OPCML: variants seen among roughly 807,000 people sequenced by gnomAD.
The protein encoded by OPCML is opioid binding protein/cell adhesion molecule like, also known as opioid-binding protein/cell adhesion molecule.
In OPCML, 13 loss-of-function variants were observed where a neutral mutation model predicts 37.8. The observed-to-expected ratio is 0.34, with a 90% confidence interval of 0.22 to 0.55. OPCML has a LOEUF of 0.55. Ranked by LOEUF, OPCML falls within the 20% of genes least tolerant of loss-of-function variation. The probability of loss-of-function intolerance (pLI) is 0.91; values close to 1 mark genes in which losing one functional copy is unlikely to be tolerated. For missense variants in OPCML, 341 were observed against 435.6 expected (o/e 0.78, Z 1.93); for synonymous variants, 176 against 168.8 (o/e 1.04, Z -0.33).
At chr11:132,666,839 A>G (rs902797448) in intron 2 of OPCML, among the ~76,000 whole-genome samples, 1 of 152,212 alleles carries the variant, frequency 6.6e-6, no homozygotes, top group Non-Finnish European at 1.5e-5. Context: ...AGACATCTCC[A>G]TGGTAAAATG....
intron 1 of OPCML, among the ~76,000 whole-genome samples, chr11:132,986,320 T>C (rs1250946557): frequency 6.6e-6 from 1 of 152,110 alleles, no homozygotes; most frequent in Non-Finnish European, 1.5e-5. Context: ...TAGTTTTTAG[T>C]AAAAAGTAAA....
intron 1 of OPCML, among the ~76,000 whole-genome samples, chr11:133,255,976 T>C (rs1039336831): frequency 1.3e-5 from 2 of 152,256 alleles, no homozygotes; most frequent in African/African-American, 4.8e-5. Context: ...CCATGTTGTA[T>C]GTATAACCTA....
chr11:133,073,330 T>C (rs1215138148), intron 1 of OPCML, among the ~76,000 whole-genome samples: 1 of 152,168 alleles, frequency 6.6e-6, no homozygotes, highest in African/African-American at 2.4e-5. Context: ...TTGGCTGGAA[T>C]GAAAGGAGGA....
chr11:132,858,457 C>T (rs1312958758), intron 2 of OPCML, among the ~76,000 whole-genome samples: 1 of 152,206 alleles, frequency 6.6e-6, no homozygotes, highest in Non-Finnish European at 1.5e-5. Context: ...GACAATGATA[C>T]TTACATTGCT....
intron 1 of OPCML, among the ~76,000 whole-genome samples, chr11:133,477,504 ATCCCAT>A (rs1252014781): frequency 1.3e-5 from 2 of 152,196 alleles, no homozygotes; most frequent in African/African-American, 2.4e-5. Flanking sequence ...AATGCTTTGA[ATCCCAT>A]TCATTTTCAA....
chr11:132,680,956 T>G (rs1201506402), intron 2 of OPCML, among the ~76,000 whole-genome samples: 2 of 152,136 alleles, frequency 1.3e-5, no homozygotes, highest in African/African-American at 4.8e-5. Flanking sequence ...GTGGTGTTGG[T>G]GATGGTAAAG....
intron 1 of OPCML, among the ~76,000 whole-genome samples, chr11:133,404,113 A>C (rs1299703449): frequency 6.6e-6 from 1 of 151,452 alleles, no homozygotes; most frequent in Non-Finnish European, 1.5e-5. Context: ...GCTTGCAGAC[A>C]CATGGCTCCA....
intron 3 of OPCML, among the ~76,000 whole-genome samples, chr11:132,642,909 G>A (rs1280412661): frequency 9.9e-5 from 15 of 152,120 alleles, no homozygotes; most frequent in Non-Finnish European, 1.8e-4. Flanking sequence ...GCCAACATTA[G>A]TATTGCCTTT....
chr11:133,407,404 T>C (rs996102459), intron 1 of OPCML, among the ~76,000 whole-genome samples: 1 of 152,188 alleles, frequency 6.6e-6, no homozygotes, highest in Non-Finnish European at 1.5e-5. Context: ...ATAAATGGCA[T>C]TCCATTAGAT....
intron 1 of OPCML, chr11:133,118,324 C>T (rs1949367246): frequency 3.0e-6 from 3 of 985,212 alleles, no homozygotes; most frequent in Non-Finnish European, 3.6e-6. Context: ...TTTGAGAGTT[C>T]AGGGCCCAGG....
At chr11:133,007,538 A>G (rs10791268) in intron 1 of OPCML, 162,234 of 985,238 alleles carry the variant, frequency 0.16, 13,734 homozygotes, top group Admixed American at 0.33. Context: ...AGGGTGGGGA[A>G]CTGAGCATTC....
At chr11:132,796,496 G>T (rs566787220) in intron 2 of OPCML, among the ~76,000 whole-genome samples, 1 of 148,696 alleles carries the variant, frequency 6.7e-6, no homozygotes, top group Admixed American at 6.7e-5. Context: ...CACCACTACC[G>T]GCAGAATAGG....
chr11:132,834,113 T>C (rs1940871414), intron 2 of OPCML, among the ~76,000 whole-genome samples: 1 of 152,204 alleles, frequency 6.6e-6, no homozygotes, highest in African/African-American at 2.4e-5. Flanking sequence ...TTCTGAGAAG[T>C]TGGCTGATGT....
At chr11:132,556,009 G>A (rs915514139) in intron 3 of OPCML, among the ~76,000 whole-genome samples, 1 of 152,032 alleles carries the variant, frequency 6.6e-6, no homozygotes, top group Non-Finnish European at 1.5e-5. Flanking sequence ...TGTGATCATG[G>A]CCCACTGCAG....
chr11:132,540,014 G>A (rs368172992), intron 3 of OPCML, among the ~76,000 whole-genome samples: 13 of 152,106 alleles, frequency 8.5e-5, no homozygotes, highest in East Asian at 7.7e-4. Context: ...CATTTCCACT[G>A]GGAATTGTTC....
intron 1 of OPCML, among the ~76,000 whole-genome samples, chr11:133,264,951 G>T (rs2136465219): frequency 6.6e-6 from 1 of 152,312 alleles, no homozygotes; most frequent in Non-Finnish European, 1.5e-5. Flanking sequence ...GGTTTTGTCT[G>T]CACTAGACAT....
At chr11:132,545,658 GT>G (rs1376258884) in intron 3 of OPCML, among the ~76,000 whole-genome samples, 1 of 151,900 alleles carries the variant, frequency 6.6e-6, no homozygotes, top group East Asian at 1.9e-4. Context: ...GTGTACTTAG[GT>G]AAAACAAGCA....
At chr11:133,251,338 C>T (rs1245103591) in intron 1 of OPCML, among the ~76,000 whole-genome samples, 1 of 152,018 alleles carries the variant, frequency 6.6e-6, no homozygotes, top group Non-Finnish European at 1.5e-5. Flanking sequence ...GTGCCCCAAG[C>T]AGGCAGGCAT....
chr11:133,106,259 T>C (rs1480493578), intron 1 of OPCML, among the ~76,000 whole-genome samples: 2 of 152,234 alleles, frequency 1.3e-5, no homozygotes, highest in Non-Finnish European at 2.9e-5. Context: ...GACTGTGCAG[T>C]TGCATATCAT....
Sources: gnomAD v4.1 joint callset for allele counts (sites outside exome capture counted in the v4.1 genomes callset) on GRCh38, gnomAD v4.1.1 for gene constraint, MANE v1.5 for transcripts, NCBI Gene and HGNC (gene_info 2026-07-23, HGNC 2026-07-21) for gene names.